The following NTM variants were observed in gnomAD, a reference collection of about 807,000 sequenced individuals.
NTM encodes neurotrimin.
Under a neutral mutation model 42.1 loss-of-function variants are expected in NTM, and 13 were observed. The ratio of observed to expected loss-of-function variants is 0.31; its 90% CI spans 0.20 to 0.49. The LOEUF is 0.49. NTM is among the 20% of genes least tolerant of loss of function. The pLI, the probability that NTM is intolerant of heterozygous loss-of-function variation, is 0.99. For synonymous variants in NTM, 187 were observed against 179.2 expected (o/e 1.04, Z -0.35); for missense variants, 373 against 452.8 (o/e 0.82, Z 1.60).
At chr11:131,712,452 C>T (rs1366583464) in intron 1 of NTM, among the ~76,000 whole-genome samples, 1 of 152,056 alleles carries the variant, frequency 6.6e-6, no homozygotes, top group East Asian at 1.9e-4. Context: ...AAATAGTAAT[C>T]ATCATATGTA....
intron 2 of NTM, among the ~76,000 whole-genome samples, chr11:132,106,063 A>T (rs997473482): frequency 3.3e-5 from 5 of 152,188 alleles, no homozygotes; most frequent in African/African-American, 1.2e-4. Flanking sequence ...TTGGTCTGTA[A>T]TAAGTCAGTG....
At position 132,334,674 on chromosome 11, in the gene NTM, A is replaced by G. The variant is rs552279470; in HGVS notation, c.968-372A>G. Among the ~76,000 whole-genome samples the G allele has an allele frequency of 4.6e-5, 7 of 152,184 alleles. No homozygotes were observed. The South Asian group carries it at 1.5e-3, about 32-fold the overall frequency. Reference sequence around the variant, plus strand: ...CTCAGAAGTGGATGGGTGATGAGGCACTCAGCACAGTAGTCTGACTTTATT... The same window carrying G: ...CTCAGAAGTGGATGGGTGATGAGGCGCTCAGCACAGTAGTCTGACTTTATT... On this transcript the variant is annotated intron_variant, in intron 8 of 8. Coordinates refer to ENST00000683400, the MANE Select transcript of NTM (RefSeq NM_001352005.2).
At chr11:131,904,422 A>T (rs1301010084) in intron 1 of NTM, among the ~76,000 whole-genome samples, 2 of 152,132 alleles carry the variant, frequency 1.3e-5, no homozygotes, top group African/African-American at 2.4e-5. Context: ...AAACATTAGA[A>T]CTGGTGTATG....
chr11:132,176,739 T>TTTTTC (rs1285838193), intron 3 of NTM, among the ~76,000 whole-genome samples: 1 of 144,390 alleles, frequency 6.9e-6, no homozygotes, highest in Non-Finnish European at 1.5e-5. Flanking sequence ...TTTTTTTTTT[T>TTTTTC]TTTTTTTAGA....
chr11:131,705,096 G>C (rs926163436), intron 1 of NTM, among the ~76,000 whole-genome samples: 5 of 152,208 alleles, frequency 3.3e-5, no homozygotes, highest in African/African-American at 1.2e-4. Flanking sequence ...AACATCTGGA[G>C]AGGGAAATGA....
At chr11:132,281,308 T>G (rs1397796315) in intron 4 of NTM, among the ~76,000 whole-genome samples, 1 of 152,190 alleles carries the variant, frequency 6.6e-6, no homozygotes, top group African/African-American at 2.4e-5. Flanking sequence ...CACAGGGAAG[T>G]AACATTGATA....
At chr11:131,850,514 G>T (rs975868144) in intron 1 of NTM, among the ~76,000 whole-genome samples, 3 of 152,150 alleles carry the variant, frequency 2.0e-5, no homozygotes, top group African/African-American at 7.2e-5. Flanking sequence ...GAGACTGGGG[G>T]TCGATTTCCT....
chr11:132,194,640 T>G (rs1425896748), intron 3 of NTM, among the ~76,000 whole-genome samples: 1 of 151,896 alleles, frequency 6.6e-6, no homozygotes, highest in Non-Finnish European at 1.5e-5. Context: ...GAGAAAGAAA[T>G]AAAAGGCATC....
At chr11:131,717,412 A>G (rs1314907145) in intron 1 of NTM, among the ~76,000 whole-genome samples, 6 of 152,160 alleles carry the variant, frequency 3.9e-5, no homozygotes, top group Non-Finnish European at 7.3e-5. Flanking sequence ...TTTCACTGCA[A>G]TTTTGTAGCC....
intron 2 of NTM, among the ~76,000 whole-genome samples, chr11:132,145,612 G>A (rs972075143): frequency 6.6e-6 from 1 of 152,226 alleles, no homozygotes; most frequent in African/African-American, 2.4e-5. Context: ...ACAGTTTTGA[G>A]ATTTTGGAAA....
At chr11:131,671,439 T>G in intron 1 of NTM, 1 of 985,462 alleles carries the variant, frequency 1.0e-6, no homozygotes, top group Non-Finnish European at 1.2e-6. Context: ...CCTGCTTGCC[T>G]GGGCCTTGTC....
intron 1 of NTM, among the ~76,000 whole-genome samples, chr11:131,758,207 T>C (rs1382604847): frequency 6.6e-6 from 1 of 152,072 alleles, no homozygotes; most frequent in Non-Finnish European, 1.5e-5. Flanking sequence ...CTACAAATCA[T>C]ACCATTCTTT....
At chr11:132,008,878 T>A (rs2071429754) in intron 2 of NTM, among the ~76,000 whole-genome samples, 1 of 151,594 alleles carries the variant, frequency 6.6e-6, no homozygotes, top group South Asian at 2.1e-4. Context: ...TTTTTTTTTT[T>A]CCTGTTGTCA....
At chr11:132,141,813 C>A (rs1037632823) in intron 2 of NTM, among the ~76,000 whole-genome samples, 18 of 152,206 alleles carry the variant, frequency 1.2e-4, no homozygotes, top group Non-Finnish European at 5.9e-5. Context: ...TGTCTGGATT[C>A]TTCCAGGATG....
chr11:132,313,751 T>G (rs1407802004), intron 6 of NTM, among the ~76,000 whole-genome samples: 1 of 152,164 alleles, frequency 6.6e-6, no homozygotes, highest in Admixed American at 6.5e-5. Context: ...ATGGTTCTAA[T>G]AAGCATACCT....
intron 1 of NTM, among the ~76,000 whole-genome samples, chr11:131,849,828 G>A (rs948917582): frequency 7.0e-6 from 1 of 142,216 alleles, no homozygotes; most frequent in Non-Finnish European, 1.5e-5. Flanking sequence ...TTGTGGGGTG[G>A]GGGGCGGGGG....
At chr11:132,276,787 G>A (rs1391385625) in intron 4 of NTM, among the ~76,000 whole-genome samples, 5 of 152,080 alleles carry the variant, frequency 3.3e-5, no homozygotes, top group African/African-American at 4.8e-5. Flanking sequence ...ATGGGTTCCT[G>A]CAGCCTCTAC....
At chr11:131,500,577 A>G (rs1287538559) in intron 1 of NTM, among the ~76,000 whole-genome samples, 1 of 76,216 alleles carries the variant, frequency 1.3e-5, no homozygotes, top group East Asian at 3.7e-4. Context: ...ATATATATAT[A>G]TTTTTTTTTT....
At chr11:132,039,349 G>A (rs2076899404) in intron 2 of NTM, among the ~76,000 whole-genome samples, 1 of 151,884 alleles carries the variant, frequency 6.6e-6, no homozygotes, top group East Asian at 1.9e-4. Flanking sequence ...TTGAAAGCAG[G>A]GCCTTTTGTT....
Sources: allele counts gnomAD v4.1 joint callset (sites outside exome capture counted in the v4.1 genomes callset), GRCh38; gene constraint gnomAD v4.1.1; transcripts MANE v1.5; gene names NCBI Gene and HGNC (gene_info 2026-07-23, HGNC 2026-07-21).